Variants in FBXL17 observed in about 807,000 individuals in gnomAD.
The protein encoded by FBXL17 is F-box/LRR-repeat protein 17.
A neutral mutation model predicts 66.2 loss-of-function variants in FBXL17; 22 were observed. The observed-to-expected ratio is 0.33, with a 90% CI of 0.24 to 0.47. The LOEUF (loss-of-function observed/expected upper bound fraction) is 0.47. Ranked by LOEUF, FBXL17 falls within the 20% of genes least tolerant of loss-of-function variation. FBXL17 has a pLI of 1.00. For synonymous variants in FBXL17, 474 were observed against 400.5 expected, an observed-to-expected ratio of 1.18 and a Z score of -2.19; for missense variants, 878 against 948.2, an observed-to-expected ratio of 0.93 and a Z score of 0.97.
At chr5:108,020,038 G>A (rs1754528955) in intron 7 of FBXL17, among the ~76,000 whole-genome samples, 1 of 151,830 alleles carries the variant, frequency 6.6e-6, no homozygotes, top group African/African-American at 2.4e-5. Context: ...CCCATCCATG[G>A]TAGATGGTCA....
intron 6 of FBXL17, among the ~76,000 whole-genome samples, chr5:108,121,800 G>A (rs1185610956): frequency 3.3e-5 from 5 of 152,218 alleles, no homozygotes; most frequent in South Asian, 4.2e-4. Context: ...CTCGTGATCC[G>A]CCTGCCTTGG....
chr5:107,874,688 C>A (rs1310042431), intron 8 of FBXL17, among the ~76,000 whole-genome samples: 1 of 152,152 alleles, frequency 6.6e-6, no homozygotes, highest in Non-Finnish European at 1.5e-5. Flanking sequence ...GTTACCACTT[C>A]TTAGAAGTTC....
At chr5:108,274,222 T>C (rs995243759) in intron 4 of FBXL17, among the ~76,000 whole-genome samples, 1 of 152,190 alleles carries the variant, frequency 6.6e-6, no homozygotes, top group Admixed American at 6.5e-5. Flanking sequence ...AGCCTGGGCG[T>C]GCTACGGGAG....
At chr5:107,902,792 G>A (rs1473162672) in intron 7 of FBXL17, among the ~76,000 whole-genome samples, 1 of 151,540 alleles carries the variant, frequency 6.6e-6, no homozygotes, top group Non-Finnish European at 1.5e-5. Context: ...CATGCACTTT[G>A]TGGTATCTAT....
chr5:108,232,304 CAT>C (rs1755380583), intron 4 of FBXL17, among the ~76,000 whole-genome samples: 1 of 152,010 alleles, frequency 6.6e-6, no homozygotes, highest in Admixed American at 6.6e-5. Context: ...AGGATAGTTG[CAT>C]TAAGTTAGGT....
chr5:108,350,940 C>T (rs1348529552), intron 3 of FBXL17, among the ~76,000 whole-genome samples: 1 of 152,018 alleles, frequency 6.6e-6, no homozygotes, highest in Non-Finnish European at 1.5e-5. Context: ...TTAAGGATAA[C>T]GGTCGTAAGA....
chr5:108,319,777 T>C (rs1196661708), intron 4 of FBXL17, among the ~76,000 whole-genome samples: 1 of 151,718 alleles, frequency 6.6e-6, no homozygotes, highest in Non-Finnish European at 1.5e-5. Context: ...CTTCTATTAA[T>C]ATTACTATAA....
chr5:107,974,604 T>C (rs2112657019), intron 7 of FBXL17, among the ~76,000 whole-genome samples: 1 of 152,232 alleles, frequency 6.6e-6, no homozygotes, highest in African/African-American at 2.4e-5. Flanking sequence ...AGGAACAGTG[T>C]TCGGTTAATC....
chr5:108,304,626 G>T (rs887803347), intron 4 of FBXL17, among the ~76,000 whole-genome samples: 1 of 151,648 alleles, frequency 6.6e-6, no homozygotes, highest in South Asian at 2.1e-4. Context: ...AGCCCTTTGG[G>T]TTGCCAAAAA....
rs112235564 is a variant in FBXL17 at position 108,014,961 on chromosome 5, C to A, written c.1822+5964G>T. Reference sequence around the variant, plus strand: ...TCTCGTGAGACTTATTCACTACCGCCACAACAGTATAGGGGAAACTGCCAT... The same window carrying A: ...TCTCGTGAGACTTATTCACTACCGCAACAACAGTATAGGGGAAACTGCCAT... On this transcript the variant is annotated intron_variant, in intron 7 of 8. Transcript: ENST00000542267. Among the ~76,000 whole-genome samples, 388 of 152,200 alleles carry A rather than the reference C, an allele frequency of 2.5e-3. 3 individuals carry two copies. The highest frequency in any genetic ancestry group is 7.6e-3 in the African/African-American group (314 of 41,540).
chr5:108,086,285 G>A (rs756673706), intron 6 of FBXL17, among the ~76,000 whole-genome samples: 1 of 152,132 alleles, frequency 6.6e-6, no homozygotes, highest in East Asian at 1.9e-4. Context: ...GGAAAAAATG[G>A]TACACAAAGA....
At chr5:108,025,254 C>T (rs553580571) in intron 6 of FBXL17, among the ~76,000 whole-genome samples, 35 of 152,220 alleles carry the variant, frequency 2.3e-4, no homozygotes, top group Non-Finnish European at 4.0e-4. Context: ...GGACAGGCTC[C>T]ATCACCTCAG....
chr5:108,129,181 G>C (rs1750830485), intron 6 of FBXL17, among the ~76,000 whole-genome samples: 1 of 152,044 alleles, frequency 6.6e-6, no homozygotes, highest in Admixed American at 6.6e-5. Flanking sequence ...TGGAGCACGT[G>C]AATTAAAAAT....
rs559063983 is a variant in FBXL17 at position 108,207,331 on chromosome 5, G to GT, written c.1614+16789dup. Among the ~76,000 whole-genome samples, 130 of 148,216 alleles carry GT rather than the reference G, an allele frequency of 8.8e-4. 1 individual carries two copies. Among genetic ancestry groups the GT allele is most frequent in the African/African-American group, 2.3e-3 (93 of 40,444 alleles). On this transcript the variant is annotated intron_variant, in intron 5 of 8. Transcript: ENST00000542267. ...TCTCACCAACAATTGATATGCAAGT[G>GT]TTTTTTTTTTATTATACTTTAAGTT...
intron 7 of FBXL17, among the ~76,000 whole-genome samples, chr5:107,907,410 C>T (rs1335955851): frequency 1.3e-5 from 2 of 152,124 alleles, no homozygotes; most frequent in Non-Finnish European, 2.9e-5. Flanking sequence ...TGTGAACTCT[C>T]AACACAGTGC....
At chr5:108,351,795 G>A (rs1190673754) in intron 3 of FBXL17, among the ~76,000 whole-genome samples, 2 of 152,316 alleles carry the variant, frequency 1.3e-5, no homozygotes, top group East Asian at 1.9e-4. Context: ...TAGAAAAACG[G>A]AGAAATAAAA....
chr5:108,304,812 G>C (rs1201456548), intron 4 of FBXL17, among the ~76,000 whole-genome samples: 1 of 151,708 alleles, frequency 6.6e-6, no homozygotes, highest in East Asian at 1.9e-4. Context: ...GTACATACTT[G>C]ATTAAAAACT....
intron 6 of FBXL17, among the ~76,000 whole-genome samples, chr5:108,025,725 G>GCGCA (rs1241403685): frequency 8.3e-6 from 1 of 120,554 alleles, no homozygotes; most frequent in South Asian, 3.3e-4. Context: ...ACACGCGCGC[G>GCGCA]CGCACACACA....
At chr5:108,085,364 A>G (rs1237270662) in intron 6 of FBXL17, among the ~76,000 whole-genome samples, 4 of 152,148 alleles carry the variant, frequency 2.6e-5, no homozygotes, top group Non-Finnish European at 4.4e-5. Context: ...TCCATTTCAC[A>G]TTGTTTGTTG....
Sources: gnomAD v4.1 joint callset for allele counts (sites outside exome capture counted in the v4.1 genomes callset) on GRCh38, gnomAD v4.1.1 for gene constraint, MANE v1.5 for transcripts, NCBI Gene and HGNC (gene_info 2026-07-23, HGNC 2026-07-21) for gene names.